Variants in KANSL2 observed in about 807,000 individuals in gnomAD.
KANSL2 encodes KAT8 regulatory NSL complex subunit 2.
Under a neutral mutation model 55.6 loss-of-function variants are expected in KANSL2, and 34 were observed. The observed-to-expected ratio is 0.61, with a 90% CI of 0.46 to 0.81. The LOEUF is 0.81. Among genes scored for constraint, KANSL2 ranks in the 40% least tolerant of loss-of-function variants. The pLI is 0.00. For synonymous variants in KANSL2, 209 were observed against 214.3 expected (o/e 0.98, Z 0.22); for missense variants, 502 against 609.9 (o/e 0.82, Z 1.86).
chr12:48,676,401 C>T (rs564600576), intron 4 of KANSL2, among the ~76,000 whole-genome samples: 67 of 152,260 alleles, frequency 4.4e-4, no homozygotes, highest in African/African-American at 1.6e-3. Flanking sequence ...TGGTTCGTCC[C>T]TGTAATCCCA....
intron 4 of KANSL2, among the ~76,000 whole-genome samples, chr12:48,678,366 A>C (rs951758007): frequency 8.5e-5 from 13 of 152,202 alleles, no homozygotes; most frequent in Admixed American, 8.5e-4. Context: ...TATAAACCTG[A>C]TTAAGATATA....
chr12:48,661,704 G>A (rs1395128191), intron 7 of KANSL2, among the ~76,000 whole-genome samples: 1 of 152,004 alleles, frequency 6.6e-6, no homozygotes, highest in Non-Finnish European at 1.5e-5. Context: ...TTCTTTCAAT[G>A]CATACTTGGA....
chr12:48,669,297 T>A (rs373369289), intron 5 of KANSL2, 25 bp from the exon 6 acceptor site: 2 of 1,504,350 alleles, frequency 1.3e-6, no homozygotes, highest in Non-Finnish European at 1.8e-6. Context: ...GTCAAGATGT[T>A]ATTTGCCAAG....
intron 8 of KANSL2, among the ~76,000 whole-genome samples, chr12:48,657,676 G>A (rs1318319384): frequency 6.6e-6 from 1 of 151,904 alleles, no homozygotes; most frequent in Non-Finnish European, 1.5e-5. Flanking sequence ...GAGTGCAATG[G>A]CAAGATCTTG....
rs1939323407 is a variant in KANSL2 at position 48,653,671 on chromosome 12, A to C, written c.*373T>G. 1 of 164,022 alleles carries C rather than the reference A, an allele frequency of 6.1e-6. No homozygotes were observed. The highest frequency in any genetic ancestry group is 1.3e-5 in the Non-Finnish European group (1 of 76,552). 10.2% of individuals were successfully genotyped at this position (164,022 alleles called of 1,614,324 possible). A position where few individuals can be genotyped will look rare whatever the true frequency, so the allele number is the denominator to read the frequency against. Reference sequence around the variant, plus strand: ...CTAAACTGCAGGTCTTCAGATAGAGATAACCGATATTAGGGCCATCAGTAT... The same window carrying C: ...CTAAACTGCAGGTCTTCAGATAGAGCTAACCGATATTAGGGCCATCAGTAT... On this transcript the variant is annotated 3_prime_UTR_variant, in exon 10 of 10. Coordinates refer to ENST00000420613, the MANE Select transcript of KANSL2 (RefSeq NM_017822.4).
chr12:48,657,209 A>C (rs1411212900), intron 8 of KANSL2, among the ~76,000 whole-genome samples: 1 of 152,084 alleles, frequency 6.6e-6, no homozygotes, highest in Non-Finnish European at 1.5e-5. Context: ...GGTGAAACCC[A>C]GTCTCCACAA....
intron 4 of KANSL2, among the ~76,000 whole-genome samples, chr12:48,673,066 G>C (rs934085856): frequency 2.0e-5 from 3 of 151,832 alleles, no homozygotes; most frequent in African/African-American, 7.3e-5. Context: ...GCCAAAATTT[G>C]TAATTGTTTA....
rs975438862 is a variant in KANSL2 at position 48,679,290 on chromosome 12, TG to T, written c.431-141del. 5 of 710,184 alleles carry T rather than the reference TG, an allele frequency of 7.0e-6. No homozygotes were observed. In the African/African-American group the frequency reaches 8.9e-5, roughly 13 times the overall value. 44.0% of individuals were successfully genotyped at this position (710,184 alleles called of 1,614,324 possible). A position where few individuals can be genotyped will look rare whatever the true frequency, so the allele number is the denominator to read the frequency against. On this transcript the variant is annotated intron_variant, in intron 3 of 9. Coordinates refer to ENST00000420613, the MANE Select transcript of KANSL2 (RefSeq NM_017822.4). Reference sequence around the variant, plus strand: ...AAAAAAACACTTAGTACAAAGGTACTGGCAAATAAAAACGCTTTAAGAAAAT... The same window carrying T: ...AAAAAAACACTTAGTACAAAGGTACTGCAAATAAAAACGCTTTAAGAAAAT...
At chr12:48,664,747 G>GC (rs1555154571) in intron 7 of KANSL2, among the ~76,000 whole-genome samples, 3 of 149,802 alleles carry the variant, frequency 2.0e-5, no homozygotes, top group Admixed American at 6.7e-5. Flanking sequence ...TGCCTGGCTA[G>GC]TTTTTTTTGT....
intron 4 of KANSL2, among the ~76,000 whole-genome samples, chr12:48,672,389 ACATG>A (rs1251474566): frequency 5.3e-4 from 74 of 140,234 alleles, no homozygotes; most frequent in Non-Finnish European, 8.9e-4. Context: ...ATATATATAT[ACATG>A]TATATATATA....
At chr12:48,669,309 A>T in intron 5 of KANSL2, 37 bp from the exon 6 acceptor site, 1 of 1,482,444 alleles carries the variant, frequency 6.7e-7, no homozygotes, top group Non-Finnish European at 9.0e-7. Flanking sequence ...TTTGCCAAGC[A>T]ATCCATCAAG....
At chr12:48,660,820 G>C (rs1405265130) in intron 7 of KANSL2, among the ~76,000 whole-genome samples, 1 of 152,088 alleles carries the variant, frequency 6.6e-6, no homozygotes, top group Non-Finnish European at 1.5e-5. Context: ...TCAAATTCTA[G>C]CTCTACCAGT....
chr12:48,671,678 G>C (rs2096023926), intron 5 of KANSL2, 121 bp downstream of exon 5: 1 of 1,057,094 alleles, frequency 9.5e-7, no homozygotes, highest in African/African-American at 1.6e-5. Flanking sequence ...ACTCCATGAA[G>C]TTTGAATGAC....
intron 2 of KANSL2, among the ~76,000 whole-genome samples, chr12:48,680,258 T>C (rs1326099826): frequency 6.6e-6 from 1 of 152,194 alleles, no homozygotes; most frequent in Non-Finnish European, 1.5e-5. Flanking sequence ...ACGAAGTCTA[T>C]GTTGCCAAGT....
intron 7 of KANSL2, among the ~76,000 whole-genome samples, chr12:48,666,118 G>A (rs1482735136): frequency 1.3e-5 from 2 of 152,072 alleles, no homozygotes; most frequent in South Asian, 2.1e-4. Context: ...GGTGGCTGAG[G>A]TGGGAAGATC....
intron 4 of KANSL2, among the ~76,000 whole-genome samples, chr12:48,674,177 G>GTT: frequency 6.6e-6 from 1 of 152,134 alleles, no homozygotes; most frequent in Non-Finnish European, 1.5e-5. Context: ...GTCTTGCTCT[G>GTT]TTTCCCAGGC....
intron 5 of KANSL2, among the ~76,000 whole-genome samples, chr12:48,671,086 A>G (rs1461541709): frequency 6.6e-6 from 1 of 152,098 alleles, no homozygotes; most frequent in Non-Finnish European, 1.5e-5. Flanking sequence ...CCAACATGGC[A>G]AAACCCCCCC....
In KANSL2 at chr12:48,662,716, G is replaced by A. The variant is rs879166169; in HGVS notation, c.974-2097C>T. ...GCAACTATGGAGTGGAAAGGAAAGA[G>A]CATAAAAGGAAAAAAAATACTTCCC... On this transcript the variant is annotated intron_variant, in intron 7 of 9. Transcript: ENST00000420613. 14 of 1,154,716 alleles carry A rather than the reference G, an allele frequency of 1.2e-5. No homozygotes were observed. The South Asian group carries it at 1.6e-4, about 13-fold the overall frequency. 71.5% of individuals were successfully genotyped at this position (1,154,716 alleles called of 1,614,324 possible).
rs760764564 is a variant in KANSL2 at position 48,681,618 on chromosome 12, C to A, written c.15G>T (p.Arg5=). Residue 5 remains arginine, a synonymous_variant, in exon 2 of 10, where the codon CGG becomes CGT. Coordinates refer to ENST00000420613, the MANE Select transcript of KANSL2 (RefSeq NM_017822.4). MNRI[R]IHVLPTNRGR... is the part of the protein sequence containing the mutation. Reference sequence around the variant, plus strand: ...CCCGATTGGTTGGCAAGACGTGAATCCGAATCCTGTTCATAACCAAAACCT... The same window carrying A: ...CCCGATTGGTTGGCAAGACGTGAATACGAATCCTGTTCATAACCAAAACCT... 6.2e-7 allele frequency: 1 copy of A among 1,614,030 alleles called. No individual in the cohort carries two copies.
Sources: allele counts gnomAD v4.1 joint callset (sites outside exome capture counted in the v4.1 genomes callset), GRCh38; gene constraint gnomAD v4.1.1; transcripts MANE v1.5; gene names NCBI Gene and HGNC (gene_info 2026-07-23, HGNC 2026-07-21).